Variants in MGAM observed in about 807,000 individuals in gnomAD.
MGAM encodes the protein alpha-1,4-glucosidase.
MGAM carries 253 observed loss-of-function variants against 358.8 expected under a neutral mutation model. The observed-to-expected ratio is 0.71, with a 90% CI of 0.64 to 0.78. MGAM has a LOEUF of 0.78. Among genes scored for constraint, MGAM ranks in the 30% least tolerant of loss-of-function variants. The pLI is 0.00. For synonymous variants in MGAM, 1,105 were observed against 1,227.1 expected (o/e 0.90, Z 2.08); for missense variants, 3,080 against 3,432.6 (o/e 0.90, Z 2.57).
upstream of MGAM, chr7:141,995,853 T>TTGGTGGACTG (rs1554448527): frequency 6.6e-6 from 1 of 152,180 alleles, no homozygotes; most frequent in African/African-American, 2.4e-5. Flanking sequence ...TTTGGTTGCT[T>TTGGTGGACTG]TGGTGGACTG....
intron 57 of MGAM, 34 bp downstream of exon 57, chr7:142,086,751 G>A: frequency 9.7e-7 from 1 of 1,025,872 alleles, no homozygotes; most frequent in Non-Finnish European, 1.4e-6. Flanking sequence ...GTGGAGTCAG[G>A]GTTTCTAGGA....
intron 1 of MGAM, 81 bp from the exon 2 acceptor site, chr7:142,005,448 T>C: frequency 9.5e-7 from 1 of 1,054,224 alleles, no homozygotes; most frequent in Non-Finnish European, 1.3e-6. Context: ...ATTGCATACA[T>C]TTGAGCTTTT....
chr7:142,043,584 AAT>A (rs1305388336), intron 21 of MGAM, among the ~76,000 whole-genome samples: 18 of 21,076 alleles, frequency 8.5e-4, no homozygotes, highest in African/African-American at 3.1e-3. Context: ...ATGATATCTA[AAT>A]ATATAATATA....
chr7:142,104,490 A>G (rs952486650), intron 70 of MGAM, among the ~76,000 whole-genome samples: 5 of 152,358 alleles, frequency 3.3e-5, no homozygotes, highest in African/African-American at 1.2e-4. Flanking sequence ...GGTGTTGGTG[A>G]TTCAGCATTT....
intron 1 of MGAM, among the ~76,000 whole-genome samples, chr7:142,002,261 C>T (rs782147366): frequency 6.6e-6 from 1 of 151,978 alleles, no homozygotes; most frequent in Non-Finnish European, 1.5e-5. Context: ...AAGACAAAGA[C>T]ACAACAAAAG....
chr7:142,083,305 G>T lies in MGAM; in HGVS notation c.6273G>T (p.Val2091=), dbSNP rs770508495. The change falls in exon 53 of 71, where the codon GTG becomes GTT. Residue 2091 remains valine, a synonymous_variant. Coordinates refer to ENST00000475668, the MANE Select transcript of MGAM (RefSeq NM_001365693.1). ...VLLLNSNAMD[V]TFQPLPALTY... ...AGCATTTTTCTTCATTTTCAGATGT[G>T]ACGTTCCAGCCCCTGCCTGCCTTGA... is the stretch of plus-strand genomic sequence containing the variant. 1.9e-5 allele frequency: 29 copies of T among 1,548,426 alleles called. 3 individuals are homozygous for T. The South Asian group carries it at 3.3e-4, about 18-fold the overall frequency.
chr7:141,990,564 C>G lies in MGAM; in HGVS notation c.-2-14965C>G, dbSNP rs965193523. ...ATGCTAGAATCTCTGCATTGTGGCT[C>G]CAGTGTACTTTCCCAGAAGTGTCCC... On this transcript the variant is annotated intron_variant, in intron 2 of 5. Transcript: ENST00000465654. Among the ~76,000 whole-genome samples, 8 of 152,128 alleles carry G rather than the reference C, an allele frequency of 5.3e-5. No individual in the cohort carries two copies. The East Asian group carries it at 1.2e-3, about 22-fold the overall frequency.
chr7:142,043,985 T>C (rs1326593587), intron 21 of MGAM, among the ~76,000 whole-genome samples: 2 of 126,162 alleles, frequency 1.6e-5, no homozygotes, highest in African/African-American at 3.4e-5. Context: ...GTATAATATA[T>C]ACATTATATA....
chr7:142,051,005 A>T, intron 24 of MGAM, 141 bp downstream of exon 24: 1 of 1,053,738 alleles, frequency 9.5e-7, no homozygotes, highest in Non-Finnish European at 1.4e-6. Context: ...GGCTGGGGAA[A>T]AAAATGAGGT....
Position 142,052,418 on chromosome 7 carries a change from A to T in MGAM, c.2930A>T (p.Asn977Ile). ...GATGAGAATGGTGCTTCTGCCGAAA[A>T]CTGCACTGCCCGTGGCTGTATCTGG... ...YPDENGASAENCTARGCIWEA... is the reference protein window; with the variant it reads ...YPDENGASAEICTARGCIWEA... Residue 977 changes from asparagine (N) to isoleucine (I), a missense_variant, in exon 25 of 71, where the codon AAC becomes ATC. Around this residue, in one of 5 missense-constraint regions of MGAM, gnomAD observed 1,816 missense variants for 1,840.5 expected, o/e 0.99. Transcript: ENST00000475668. The T allele has an allele frequency of 6.2e-7, 1 of 1,613,448 alleles. No homozygotes were observed. Among genetic ancestry groups the T allele is most frequent in the Non-Finnish European group, 8.5e-7 (1 of 1,179,698 alleles).
chr7:142,044,603 T>C (rs1282005154), intron 21 of MGAM, among the ~76,000 whole-genome samples: 1 of 125,758 alleles, frequency 8.0e-6, no homozygotes, highest in East Asian at 2.2e-4. Context: ...TATACACGTG[T>C]AATATATGAT....
rs1410862327 is a variant in MGAM at position 142,082,322 on chromosome 7, C to T, written c.6171+112C>T. Reference sequence around the variant, plus strand: ...TTGGTCGTCACATTCTGCTTTTAGGCGAGTGGGCCAATTCTCAGGCTCCTT... The same window carrying T: ...TTGGTCGTCACATTCTGCTTTTAGGTGAGTGGGCCAATTCTCAGGCTCCTT... On this transcript the variant is annotated intron_variant, in intron 51 of 70. Transcript: ENST00000475668. 4.1e-5 allele frequency: 55 copies of T among 1,355,148 alleles called. 7 individuals carry two copies. The highest frequency in any genetic ancestry group is 9.8e-5 in the African/African-American group (7 of 71,356). The allele number at this position is 1,355,148 out of a possible 1,614,324, so 83.9% of individuals were successfully genotyped here.
In MGAM at chr7:142,008,706, G is replaced by A. The variant is rs1805361409; in HGVS notation, c.327+1G>A. ...CATCCCTGACCAGCCGCCAACAAAG[G>A]TTTGAGTTATGAATTTTGTTTCCAT... On this transcript the variant is annotated splice_donor_variant, in intron 3 of 70. Coordinates refer to ENST00000475668, the MANE Select transcript of MGAM (RefSeq NM_001365693.1). LOFTEE classifies it high-confidence loss of function. 8.7e-6 allele frequency: 14 copies of A among 1,607,756 alleles called. No individual in the cohort carries two copies. The highest frequency in any genetic ancestry group is 1.2e-5 in the Non-Finnish European group (14 of 1,176,952).
intron 45 of MGAM, among the ~76,000 whole-genome samples, chr7:142,075,205 T>G (rs1486865340): frequency 6.8e-6 from 1 of 146,696 alleles, no homozygotes; most frequent in African/African-American, 2.4e-5. Context: ...AAAAATATTC[T>G]ACTGTATATA....
rs1812322431 is a variant in MGAM, at chr7:142,062,582, T to C, written c.4137T>C (p.Tyr1379=). 6.2e-7 allele frequency: 1 copy of C among 1,602,792 alleles called. No homozygotes were observed. Among genetic ancestry groups the C allele is most frequent in the Non-Finnish European group, 8.5e-7 (1 of 1,174,008 alleles). ...CTTTTTTATAGCTATATCGAGCTTA[T>C]GTGGCCTTCCCAGACTTTTTCCGTA... ...WDSQVELYRA[Y]VAFPDFFRNS... Residue 1379 remains tyrosine (Y), a synonymous_variant, in exon 35 of 71, where the codon TAT becomes TAC. Coordinates refer to ENST00000475668, the MANE Select transcript of MGAM (RefSeq NM_001365693.1).
chr7:141,991,678 G>A (rs1043458038), upstream of MGAM, among the ~76,000 whole-genome samples: 14 of 151,990 alleles, frequency 9.2e-5, no homozygotes, highest in Admixed American at 2.0e-4. Context: ...CTCATGATCC[G>A]CCTGCCTCAG....
intron 50 of MGAM, among the ~76,000 whole-genome samples, chr7:142,081,831 G>A (rs1377047242): frequency 6.9e-6 from 1 of 145,630 alleles, no homozygotes; most frequent in Non-Finnish European, 1.6e-5. Context: ...CTGAAAGGAG[G>A]CAGTGAGAGT....
intron 2 of MGAM, among the ~76,000 whole-genome samples, chr7:141,990,079 C>A (rs565590160): frequency 6.6e-6 from 1 of 152,228 alleles, no homozygotes; most frequent in East Asian, 1.9e-4. Context: ...TTTGAGGAGG[C>A]TCTGTGGGCA....
chr7:142,079,948 C>T (rs938738984), intron 49 of MGAM, among the ~76,000 whole-genome samples: 4 of 146,450 alleles, frequency 2.7e-5, no homozygotes, highest in African/African-American at 9.7e-5. Context: ...GGAGTTCTAG[C>T]CTTAACCATT....
Sources: allele counts gnomAD v4.1 joint callset (sites outside exome capture counted in the v4.1 genomes callset), GRCh38; gene constraint gnomAD v4.1.1; regional missense constraint gnomAD v4.1.1; transcripts MANE v1.5; gene names NCBI Gene and HGNC (gene_info 2026-07-23, HGNC 2026-07-21).